ZNF804A: variants seen among roughly 807,000 people sequenced by gnomAD.
ZNF804A encodes zinc finger protein 804A.
A neutral mutation model predicts 16.5 loss-of-function variants in ZNF804A; 2 were observed. That is an observed-to-expected ratio of 0.12 (90% CI 0.05 to 0.38). The LOEUF (loss-of-function observed/expected upper bound fraction) is 0.38, where lower values mean the gene tolerates loss of function less well. ZNF804A is among the 10% of genes least tolerant of loss of function. ZNF804A has a pLI of 0.99. For missense variants in ZNF804A, 1,473 were observed against 1,390.7 expected (o/e 1.06, Z -0.94); for synonymous variants, 534 against 489.6 (o/e 1.09, Z -1.20).
At chr2:184,646,796 C>T (rs186967099) in intron 1 of ZNF804A, among the ~76,000 whole-genome samples, 6 of 152,222 alleles carry the variant, frequency 3.9e-5, no homozygotes, top group Non-Finnish European at 7.3e-5. Context: ...AACCTCTGAG[C>T]GCTTGGTGGC....
chr2:184,775,572 G>C (rs980513730), intron 1 of ZNF804A, among the ~76,000 whole-genome samples: 2 of 151,580 alleles, frequency 1.3e-5, no homozygotes, highest in African/African-American at 4.8e-5. Flanking sequence ...GCCAATTTTG[G>C]TAAATGCTTT....
intron 1 of ZNF804A, among the ~76,000 whole-genome samples, chr2:184,687,648 A>G (rs188468927): frequency 1.3e-5 from 2 of 152,352 alleles, no homozygotes. Context: ...CTTAATGGTT[A>G]TAGAATTTCT....
intron 1 of ZNF804A, among the ~76,000 whole-genome samples, chr2:184,679,716 C>T (rs1167505486): frequency 6.6e-6 from 1 of 152,194 alleles, no homozygotes; most frequent in East Asian, 1.9e-4. Flanking sequence ...ATTGTCTCAG[C>T]ATCCTCCAGA....
intron 1 of ZNF804A, among the ~76,000 whole-genome samples, chr2:184,797,871 G>A (rs1022814517): frequency 6.6e-6 from 1 of 151,976 alleles, no homozygotes; most frequent in Non-Finnish European, 1.5e-5. Flanking sequence ...AAGATTTAGA[G>A]CTTCTTTTAG....
intron 1 of ZNF804A, among the ~76,000 whole-genome samples, chr2:184,733,393 GTAT>G (rs1352536921): frequency 1.3e-5 from 2 of 152,016 alleles, no homozygotes; most frequent in Non-Finnish European, 2.9e-5. Context: ...TAGTTGTGAT[GTAT>G]TATTATTTTT....
intron 1 of ZNF804A, among the ~76,000 whole-genome samples, chr2:184,820,616 G>A (rs113394697): frequency 0.014 from 2,186 of 152,130 alleles, 57 homozygotes; most frequent in African/African-American, 0.049. Flanking sequence ...AGGGAGAGAG[G>A]AAGTCAAATT....
chr2:184,643,024 T>TA (rs1691816950), intron 1 of ZNF804A, among the ~76,000 whole-genome samples: 1 of 152,104 alleles, frequency 6.6e-6, no homozygotes, highest in Non-Finnish European at 1.5e-5. Context: ...AAATACTCTA[T>TA]TTATCTAGAG....
intron 1 of ZNF804A, among the ~76,000 whole-genome samples, chr2:184,820,313 A>C (rs1410911216): frequency 6.6e-6 from 1 of 152,190 alleles, no homozygotes; most frequent in Admixed American, 6.5e-5. Context: ...CTAAAGACAA[A>C]AACCACATGA....
intron 1 of ZNF804A, among the ~76,000 whole-genome samples, chr2:184,708,550 G>A (rs1305786827): frequency 2.0e-5 from 3 of 151,980 alleles, no homozygotes; most frequent in Non-Finnish European, 4.4e-5. Flanking sequence ...AATGAGGAAA[G>A]GACCAAATTC....
chr2:184,896,586 G>C (rs1400295967), intron 2 of ZNF804A, among the ~76,000 whole-genome samples: 1 of 152,014 alleles, frequency 6.6e-6, no homozygotes, highest in Non-Finnish European at 1.5e-5. Context: ...AATGAAATTT[G>C]ACAGGATTGG....
intron 1 of ZNF804A, among the ~76,000 whole-genome samples, chr2:184,840,778 A>G (rs1274023599): frequency 6.6e-6 from 1 of 152,112 alleles, no homozygotes. Flanking sequence ...ATTAAATTAA[A>G]TTGTTTAATA....
intron 2 of ZNF804A, among the ~76,000 whole-genome samples, chr2:184,903,221 T>C (rs1358056906): frequency 1.3e-5 from 2 of 152,120 alleles, no homozygotes; most frequent in East Asian, 1.9e-4. Flanking sequence ...TCTGACTCAG[T>C]AGAAATCTCC....
chr2:184,718,691 C>G (rs537148788), intron 1 of ZNF804A, among the ~76,000 whole-genome samples: 1 of 152,126 alleles, frequency 6.6e-6, no homozygotes, highest in Non-Finnish European at 1.5e-5. Flanking sequence ...CTCCATGTCT[C>G]ACATCCAGGT....
chr2:184,883,343 C>T (rs2105818684), intron 2 of ZNF804A, among the ~76,000 whole-genome samples: 1 of 152,000 alleles, frequency 6.6e-6, no homozygotes, highest in Middle Eastern at 3.4e-3. Context: ...TTCTATGAGA[C>T]ATATAAAGAA....
At chr2:184,660,202 C>A (rs759607393) in intron 1 of ZNF804A, among the ~76,000 whole-genome samples, 9 of 152,158 alleles carry the variant, frequency 5.9e-5, no homozygotes, top group Non-Finnish European at 1.0e-4. Context: ...AAACACATAA[C>A]ATTTTGAAAT....
chr2:184,820,168 A>G (rs941825724), intron 1 of ZNF804A, among the ~76,000 whole-genome samples: 8 of 152,198 alleles, frequency 5.3e-5, no homozygotes, highest in East Asian at 1.9e-4. Flanking sequence ...AAAATCCCCA[A>G]TGAAATACTG....
chr2:184,747,634 A>T (rs1006550459), intron 1 of ZNF804A, among the ~76,000 whole-genome samples: 1 of 151,260 alleles, frequency 6.6e-6, no homozygotes, highest in Non-Finnish European at 1.5e-5. Flanking sequence ...ATATCAGGTA[A>T]TGTTTGCCAC....
intron 1 of ZNF804A, among the ~76,000 whole-genome samples, chr2:184,651,127 A>G (rs577322905): frequency 6.6e-6 from 1 of 152,246 alleles, no homozygotes; most frequent in South Asian, 2.1e-4. Context: ...TAGAGAACAC[A>G]GAAAAAAAGC....
At chr2:184,882,783 G>A (rs1459473576) in intron 2 of ZNF804A, among the ~76,000 whole-genome samples, 3 of 151,974 alleles carry the variant, frequency 2.0e-5, no homozygotes, top group Non-Finnish European at 2.9e-5. Context: ...CAGAGATAAG[G>A]CAGTGTTAAG....
Sources: allele counts gnomAD v4.1 joint callset (sites outside exome capture counted in the v4.1 genomes callset), GRCh38; gene constraint gnomAD v4.1.1; transcripts MANE v1.5; gene names NCBI Gene and HGNC (gene_info 2026-07-23, HGNC 2026-07-21).